PIWIL2: variants seen among roughly 807,000 people sequenced by gnomAD.
PIWIL2 encodes the protein piwi-like protein 2.
A neutral mutation model predicts 116.5 loss-of-function variants in PIWIL2; 81 were observed. The observed-to-expected ratio is 0.70, with a 90% confidence interval of 0.58 to 0.84. The LOEUF (loss-of-function observed/expected upper bound fraction) is 0.84. Ranked by LOEUF, PIWIL2 falls within the 40% of genes least tolerant of loss-of-function variation. The pLI is 0.00. For missense variants in PIWIL2, 1,272 were observed against 1,212.3 expected (o/e 1.05, Z -0.73); for synonymous variants, 489 against 429.5 (o/e 1.14, Z -1.71).
At chr8:22,342,263 A>G (rs565742015) in intron 20 of PIWIL2, among the ~76,000 whole-genome samples, 15 of 152,352 alleles carry the variant, frequency 9.8e-5, no homozygotes, top group African/African-American at 3.1e-4. Context: ...ATTCAATGCA[A>G]TCTTACTCAA....
Position 22,305,927 on chromosome 8 carries a change from C to G in PIWIL2, c.1456C>G (p.Leu486Val), listed in dbSNP as rs768256689. Residue 486 changes from leucine to valine, a missense_variant and splice_region_variant, in exon 13 of 23, where the codon CTG (leucine) becomes GTG (valine). Physicochemically the swap from Leu to Val is conservative, Grantham distance 32. Coordinates refer to ENST00000356766, the MANE Select transcript of PIWIL2 (RefSeq NM_018068.5). The part of the protein sequence containing the change: ...PSERQDNHGM[L>V]LKGEILLLPE... The stretch of plus-strand genomic sequence containing the variant: ...TTCCCTCTTCGTTCTCTCTTCAAAG[C>G]TGCTAAAAGGGGAAATCCTGCTGCT... 6.2e-7 allele frequency: 1 copy of G among 1,612,326 alleles called. No individual in the cohort carries two copies. Among genetic ancestry groups the G allele is most frequent in the East Asian group, 2.2e-5 (1 of 44,874 alleles).
In PIWIL2 at chr8:22,289,887, T is replaced by A. The variant is rs764366680; in HGVS notation, c.1027T>A (p.Phe343Ile). The A allele has an allele frequency of 6.2e-7, 1 of 1,612,590 alleles. No homozygotes were observed. The highest frequency in any genetic ancestry group is 8.5e-7 in the Non-Finnish European group (1 of 1,178,716). ...AGATATGAAGCTTGTGGGGAGAAAC[T>A]TTTATGACCCTACAAGTGCTATGGT... Reference protein sequence around the residue: ...LLDMKLVGRNFYDPTSAMVLQ... With the variant: ...LLDMKLVGRNIYDPTSAMVLQ... Residue 343 changes from phenylalanine to isoleucine, a missense_variant, in exon 9 of 23, where the codon TTT becomes ATT. Transcript: ENST00000356766.
At chr8:22,355,288 T>C in intron 22 of PIWIL2, 61 bp from the exon 23 acceptor site, 1 of 1,552,082 alleles carries the variant, frequency 6.4e-7, no homozygotes, top group Non-Finnish European at 8.9e-7. Context: ...TTGTATTGTA[T>C]TGCATGCCAC....
intron 10 of PIWIL2, among the ~76,000 whole-genome samples, chr8:22,294,283 A>T (rs1830833164): frequency 6.9e-6 from 1 of 144,344 alleles, no homozygotes; most frequent in African/African-American, 2.5e-5. Flanking sequence ...GGTTGCAGTG[A>T]GCCAAGATCA....
At chr8:22,333,666 C>T (rs1381569854) in intron 20 of PIWIL2, among the ~76,000 whole-genome samples, 4 of 151,850 alleles carry the variant, frequency 2.6e-5, no homozygotes, top group East Asian at 3.9e-4. Flanking sequence ...GTTCAGAACA[C>T]GAACATCTAT....
intron 20 of PIWIL2, among the ~76,000 whole-genome samples, chr8:22,322,489 A>G (rs1199718501): frequency 6.6e-6 from 1 of 151,694 alleles, no homozygotes; most frequent in Non-Finnish European, 1.5e-5. Flanking sequence ...GCTGATCTCA[A>G]ACTCCTGGCC....
chr8:22,298,483 A>G (rs1363983126), intron 10 of PIWIL2, among the ~76,000 whole-genome samples: 10 of 152,230 alleles, frequency 6.6e-5, no homozygotes, highest in Admixed American at 5.9e-4. Flanking sequence ...GGATTCAGCA[A>G]CTAGAGCTTA....
intron 10 of PIWIL2, among the ~76,000 whole-genome samples, chr8:22,300,748 A>G (rs1290920254): frequency 6.6e-6 from 1 of 152,162 alleles, no homozygotes; most frequent in Non-Finnish European, 1.5e-5. Context: ...CCTAGTGAAT[A>G]ATGATGTAGA....
At chr8:22,280,183 TA>T (rs1287021146) in intron 2 of PIWIL2, among the ~76,000 whole-genome samples, 1 of 152,232 alleles carries the variant, frequency 6.6e-6, no homozygotes, top group African/African-American at 2.4e-5. Flanking sequence ...TTGTTAGGTC[TA>T]AAGGTACAAT....
chr8:22,313,298 G>A (rs1365760142), intron 16 of PIWIL2, among the ~76,000 whole-genome samples: 1 of 152,326 alleles, frequency 6.6e-6, no homozygotes, highest in Non-Finnish European at 1.5e-5. Flanking sequence ...CAGGAGGGGA[G>A]TGAAATGAAC....
At chr8:22,329,069 T>C (rs867244561) in intron 20 of PIWIL2, among the ~76,000 whole-genome samples, 1 of 152,142 alleles carries the variant, frequency 6.6e-6, no homozygotes, top group African/African-American at 2.4e-5. Flanking sequence ...GGTTTCAGTT[T>C]TTCACCATTG....
intron 1 of PIWIL2, among the ~76,000 whole-genome samples, chr8:22,277,967 G>C (rs113311452): frequency 2.4e-4 from 37 of 151,812 alleles, no homozygotes; most frequent in African/African-American, 8.7e-4. Context: ...TCGGGAGTTC[G>C]AGACCAGCCT....
rs142949600 is a variant in PIWIL2 at position 22,297,905 on chromosome 8, G to A, written c.1182-6116G>A. Among the ~76,000 whole-genome samples, 171 of 152,152 alleles carry A rather than the reference G, an allele frequency of 1.1e-3. 1 individual carries two copies. The highest frequency in any genetic ancestry group is 3.8e-3 in the African/African-American group (158 of 41,520). Reference sequence around the variant, plus strand: ...CTATGTTGAGCAGAAAAGACAGTCCGGAACAAACAAAAATGCCTTATATGT... The same window carrying A: ...CTATGTTGAGCAGAAAAGACAGTCCAGAACAAACAAAAATGCCTTATATGT... On this transcript the variant is annotated intron_variant, in intron 10 of 22. Transcript: ENST00000356766.
In PIWIL2 at chr8:22,311,148, A is replaced by G. The variant is rs776093381; in HGVS notation, c.1837A>G (p.Arg613Gly). The part of the protein sequence containing the change: ...MHFWALFYPK[R>G]AMDQARELVN... ...TTTCTGGGCACTTTTTTACCCAAAGAGAGCAATGGACCAGGCTCGAGAACT... is the reference window on the plus strand; with the variant it reads ...TTTCTGGGCACTTTTTTACCCAAAGGGAGCAATGGACCAGGCTCGAGAACT... Residue 613 changes from arginine to glycine, a missense_variant, in exon 16 of 23, where the codon AGA becomes GGA. Coordinates refer to ENST00000356766, the MANE Select transcript of PIWIL2 (RefSeq NM_018068.5). The G allele has an allele frequency of 6.2e-7, 1 of 1,613,758 alleles. No homozygotes were observed.
intron 20 of PIWIL2, among the ~76,000 whole-genome samples, chr8:22,322,916 A>AGTT (rs371954635): frequency 3.3e-5 from 5 of 151,906 alleles, no homozygotes; most frequent in Admixed American, 6.6e-5. Flanking sequence ...TCCCCAGGCC[A>AGTT]GTTGTTGTTG....
intron 20 of PIWIL2, among the ~76,000 whole-genome samples, chr8:22,343,323 A>C (rs372080130): frequency 2.0e-5 from 3 of 152,216 alleles, no homozygotes; most frequent in South Asian, 2.1e-4. Flanking sequence ...AATCGCAGCT[A>C]CTCGGGAAGG....
chr8:22,290,910 C>A (rs192799632), intron 10 of PIWIL2, among the ~76,000 whole-genome samples: 1 of 151,716 alleles, frequency 6.6e-6, no homozygotes, highest in Non-Finnish European at 1.5e-5. Context: ...TATGCGCATG[C>A]TGAGTTTGCA....
rs1004492174 is a variant in PIWIL2, at chr8:22,290,310, A to G, written c.1145A>G (p.His382Arg). 6.2e-7 allele frequency: 1 copy of G among 1,611,308 alleles called. No individual in the cohort carries two copies. The highest frequency in any genetic ancestry group is 8.5e-7 in the Non-Finnish European group (1 of 1,177,578). The change falls in exon 10 of 23, where the codon CAT becomes CGT. Residue 382 changes from histidine to arginine, a missense_variant. Physicochemically the swap from His to Arg is conservative, Grantham distance 29. Transcript: ENST00000356766. ...CTCTTCCTGCTAGCTGATGTCTCCCATAAGGTCATTCGGAATGACTGTGTG... is the reference window on the plus strand; with the variant it reads ...CTCTTCCTGCTAGCTGATGTCTCCCGTAAGGTCATTCGGAATGACTGTGTG... Reference protein sequence around the residue: ...GGLFLLADVSHKVIRNDCVLD... With the variant: ...GGLFLLADVSRKVIRNDCVLD...
chr8:22,309,329 TTTTA>T (rs1382349640), intron 14 of PIWIL2, among the ~76,000 whole-genome samples: 7 of 152,054 alleles, frequency 4.6e-5, no homozygotes, highest in African/African-American at 1.7e-4. Flanking sequence ...AATACTTATA[TTTTA>T]TTTATTTATT....
Sources: gnomAD v4.1 joint callset for allele counts (sites outside exome capture counted in the v4.1 genomes callset) on GRCh38, gnomAD v4.1.1 for gene constraint, MANE v1.5 for transcripts, NCBI Gene and HGNC (gene_info 2026-07-23, HGNC 2026-07-21) for gene names.